The following TUBGCP5 variants were observed in gnomAD, a reference collection of about 807,000 sequenced individuals.
The protein encoded by TUBGCP5 is gamma-tubulin complex component 5.
In TUBGCP5, 98 loss-of-function variants were observed where a neutral mutation model predicts 134.7. The observed-to-expected ratio is 0.73, with a 90% CI of 0.62 to 0.86. The LOEUF (loss-of-function observed/expected upper bound fraction) is 0.86, where lower values mean the gene tolerates loss of function less well. Ranked by LOEUF, TUBGCP5 falls within the 40% of genes least tolerant of loss-of-function variation. The pLI is 0.00. For synonymous variants in TUBGCP5, 456 were observed against 431.4 expected (o/e 1.06, Z -0.71); for missense variants, 1,150 against 1,244.8 (o/e 0.92, Z 1.15).
intron 23 of TUBGCP5, among the ~76,000 whole-genome samples, chr15:22,988,634 G>T (rs1201037556): frequency 6.6e-6 from 1 of 151,294 alleles, no homozygotes; most frequent in Non-Finnish European, 1.5e-5. Context: ...TACTCGGGAG[G>T]CTGAGGCAGG....
At chr15:23,024,853 C>A (rs757477830) in intron 8 of TUBGCP5, 23 bp from the exon 9 acceptor site, 2 of 1,382,872 alleles carry the variant, frequency 1.4e-6, no homozygotes, top group South Asian at 1.2e-5. Flanking sequence ...TAAAAAAAGA[C>A]GAGTGTACTT....
intron 23 of TUBGCP5, among the ~76,000 whole-genome samples, chr15:22,987,752 C>T (rs1051363418): frequency 7.3e-5 from 11 of 151,534 alleles, no homozygotes; most frequent in South Asian, 2.1e-4. Context: ...AAAAATTAGC[C>T]GGGCGTGGTG....
intron 1 of TUBGCP5, among the ~76,000 whole-genome samples, chr15:23,038,289 C>T (rs1426345371): frequency 6.9e-6 from 1 of 144,302 alleles, no homozygotes; most frequent in Non-Finnish European, 1.6e-5. Flanking sequence ...TGGAACACCA[C>T]TTTACCTATT....
intron 19 of TUBGCP5, 28 bp from the exon 20 acceptor site, chr15:23,004,255 T>A: frequency 6.2e-7 from 1 of 1,601,824 alleles, no homozygotes; most frequent in Non-Finnish European, 8.5e-7. Context: ...AAAAGCTTCA[T>A]CAGCAGCCTT....
downstream of TUBGCP5, chr15:22,996,759 A>AT (rs1266919144): frequency 2.0e-5 from 3 of 152,242 alleles, no homozygotes; most frequent in Non-Finnish European, 2.9e-5. Context: ...AAGTGCTGGG[A>AT]TTATAGGCAT....
intron 13 of TUBGCP5, among the ~76,000 whole-genome samples, chr15:23,015,037 C>T (rs542527758): frequency 6.6e-6 from 1 of 152,196 alleles, no homozygotes; most frequent in South Asian, 2.1e-4. Flanking sequence ...GCATGTACCC[C>T]TAATCTGAGA....
rs371188472 is a variant in TUBGCP5 at position 22,993,099 on chromosome 15, T to C, written c.*61+3746A>G. Among the ~76,000 whole-genome samples, 505 of 152,258 alleles carry C rather than the reference T, an allele frequency of 3.3e-3. 3 individuals carry two copies. Among genetic ancestry groups the C allele is most frequent in the Non-Finnish European group, 4.3e-3 (291 of 68,010 alleles). ...TCTAGAGACGATGCTCAGGATGTGA[T>C]TGGAAACTCTTTATTTTTGAGATTG... On this transcript the variant is annotated intron_variant and NMD_transcript_variant, in intron 23 of 23. Coordinates refer to the TUBGCP5 transcript ENST00000614508.
At chr15:23,006,970 T>A (rs971587780) in intron 16 of TUBGCP5, among the ~76,000 whole-genome samples, 1 of 152,158 alleles carries the variant, frequency 6.6e-6, no homozygotes, top group African/African-American at 2.4e-5. Flanking sequence ...TGATGTCCTC[T>A]TCCACAGTCA....
chr15:22,996,156 CAT>C (rs1420708254), downstream of TUBGCP5, among the ~76,000 whole-genome samples: 1 of 152,218 alleles, frequency 6.6e-6, no homozygotes, highest in Non-Finnish European at 1.5e-5. Flanking sequence ...GGGGTAGATA[CAT>C]GTTAACCTTT....
intron 1 of TUBGCP5, among the ~76,000 whole-genome samples, chr15:23,038,807 T>C (rs1446495679): frequency 6.6e-6 from 1 of 152,144 alleles, no homozygotes; most frequent in Non-Finnish European, 1.5e-5. Context: ...AAAAATTAGT[T>C]ACAAGAGAAA....
At chr15:23,031,095 A>G (rs2066283438) in intron 5 of TUBGCP5, 75 bp from the exon 6 acceptor site, 8 of 1,401,816 alleles carry the variant, frequency 5.7e-6, no homozygotes, top group Middle Eastern at 2.0e-4. Context: ...AAGACTAAGA[A>G]AACTTTGAAG....
In TUBGCP5 at chr15:22,991,506, A is replaced by G. The variant is rs1014588437; in HGVS notation, c.*61+5339T>C. Among the ~76,000 whole-genome samples the G allele has an allele frequency of 8.5e-5, 13 of 152,184 alleles. 1 individual carries two copies. Among genetic ancestry groups the G allele is most frequent in the Admixed American group, 7.2e-4 (11 of 15,268 alleles). On this transcript the variant is annotated intron_variant and NMD_transcript_variant, in intron 23 of 23. Coordinates refer to the TUBGCP5 transcript ENST00000614508. ...ACTAGAGTTCTTCCTGTGTTTCTGC[A>G]AGACCATGAGGGAGGCGCTGGCGGA... is the stretch of plus-strand genomic sequence containing the variant.
chr15:23,037,925 C>T (rs1405630221), intron 1 of TUBGCP5, among the ~76,000 whole-genome samples: 2 of 152,112 alleles, frequency 1.3e-5, no homozygotes, highest in East Asian at 1.9e-4. Context: ...CCACCACGCC[C>T]GGCTAATTTT....
chr15:23,032,922 T>C, intron 3 of TUBGCP5, 98 bp from the exon 4 acceptor site: 1 of 868,588 alleles, frequency 1.2e-6, no homozygotes, highest in South Asian at 2.7e-5. Flanking sequence ...TGTCCCCAAT[T>C]TTTTTCCTGG....
At chr15:22,989,776 C>T (rs2063792509) in intron 23 of TUBGCP5, among the ~76,000 whole-genome samples, 1 of 152,170 alleles carries the variant, frequency 6.6e-6, no homozygotes, top group African/African-American at 2.4e-5. Flanking sequence ...TATTTCTTGC[C>T]ACACCTTGTT....
intron 21 of TUBGCP5, among the ~76,000 whole-genome samples, chr15:23,001,117 A>G (rs1415093272): frequency 6.6e-6 from 1 of 152,134 alleles, no homozygotes; most frequent in African/African-American, 2.4e-5. Flanking sequence ...ATCTCGGCTC[A>G]CTGTAACCTC....
chr15:23,033,572 T>C (rs1374083883), intron 3 of TUBGCP5, among the ~76,000 whole-genome samples: 1 of 152,032 alleles, frequency 6.6e-6, no homozygotes, highest in African/African-American at 2.4e-5. Flanking sequence ...CCACCACACT[T>C]GGCTGTTGTT....
chr15:23,011,428 TAAC>T (rs1474268132), intron 13 of TUBGCP5, 97 bp from the exon 14 acceptor site: 1 of 432,782 alleles, frequency 2.3e-6, no homozygotes, highest in African/African-American at 2.1e-5. Flanking sequence ...ATATATTAAG[TAAC>T]AAAATCTATA....
chr15:23,032,151 T>C, intron 4 of TUBGCP5, 122 bp from the exon 5 acceptor site: 3 of 621,036 alleles, frequency 4.8e-6, no homozygotes, highest in Non-Finnish European at 8.1e-6. Context: ...TTTAAAAATA[T>C]TGAAACATTT....
Sources: allele counts gnomAD v4.1 joint callset (sites outside exome capture counted in the v4.1 genomes callset), GRCh38; gene constraint gnomAD v4.1.1; transcripts MANE v1.5; gene names NCBI Gene and HGNC (gene_info 2026-07-23, HGNC 2026-07-21).